Variants in PCDH7 observed in about 807,000 individuals in gnomAD.
PCDH7 encodes the protein protocadherin-7.
In PCDH7, 17 loss-of-function variants were observed where a neutral mutation model predicts 58.9. That is an observed-to-expected ratio of 0.29 (90% confidence interval 0.20 to 0.43). The LOEUF is 0.43. PCDH7 is among the 20% of genes least tolerant of loss of function. PCDH7 has a pLI of 1.00. For synonymous variants in PCDH7, 664 were observed against 616.4 expected (o/e 1.08, Z -1.14); for missense variants, 1,274 against 1,441.0 (o/e 0.88, Z 1.88).
intron 3 of PCDH7, among the ~76,000 whole-genome samples, chr4:31,062,769 C>T (rs912258938): frequency 6.6e-6 from 1 of 151,788 alleles, no homozygotes; most frequent in Non-Finnish European, 1.5e-5. Context: ...TCCCATGAAA[C>T]CTGATTTTTC....
At chr4:30,821,918 G>C (rs968664042) in intron 1 of PCDH7, among the ~76,000 whole-genome samples, 30 of 152,152 alleles carry the variant, frequency 2.0e-4, no homozygotes, top group African/African-American at 6.0e-4. Context: ...GTATCCCAGA[G>C]GCACTATTCA....
chr4:30,950,507 G>A (rs1326318102), intron 3 of PCDH7, among the ~76,000 whole-genome samples: 2 of 152,146 alleles, frequency 1.3e-5, no homozygotes, highest in Non-Finnish European at 2.9e-5. Context: ...GAACTTGTAT[G>A]TATGAATATG....
At chr4:30,979,731 C>G (rs1750390669) in intron 3 of PCDH7, among the ~76,000 whole-genome samples, 1 of 151,928 alleles carries the variant, frequency 6.6e-6, no homozygotes, top group South Asian at 2.1e-4. Context: ...AGTCAAAGGC[C>G]TTGAAGTCAG....
At chr4:30,975,567 CTTT>C (rs1749995123) in intron 3 of PCDH7, among the ~76,000 whole-genome samples, 1 of 152,046 alleles carries the variant, frequency 6.6e-6, no homozygotes, top group South Asian at 2.1e-4. Flanking sequence ...TTTTAAGTTA[CTTT>C]TATTTTGTAA....
chr4:30,970,202 C>CACAACAAAGTGTGACAAAGT (rs1246188022), intron 3 of PCDH7, among the ~76,000 whole-genome samples: 1 of 152,038 alleles, frequency 6.6e-6, no homozygotes, highest in African/African-American at 2.4e-5. Flanking sequence ...TTGTAAGTTA[C>CACAACAAAGTGTGACAAAGT]ACAACAAAGT....
At chr4:30,963,345 T>C (rs1482224497) in intron 3 of PCDH7, among the ~76,000 whole-genome samples, 1 of 152,226 alleles carries the variant, frequency 6.6e-6, no homozygotes, top group Non-Finnish European at 1.5e-5. Context: ...AGTGTCTGTA[T>C]ACATGCTTCC....
At chr4:30,972,525 A>T (rs959890414) in intron 3 of PCDH7, among the ~76,000 whole-genome samples, 2 of 152,204 alleles carry the variant, frequency 1.3e-5, no homozygotes, top group Non-Finnish European at 1.5e-5. Flanking sequence ...TTTCTGGTCC[A>T]GGTACACTAA....
intron 1 of PCDH7, among the ~76,000 whole-genome samples, chr4:30,795,384 CACTT>C (rs144174297): frequency 0.023 from 3,520 of 152,232 alleles, 193 homozygotes; most frequent in East Asian, 0.22. Flanking sequence ...TAATATATAA[CACTT>C]ACAGCACTTC....
At chr4:30,827,270 T>C (rs1469665550) in intron 1 of PCDH7, among the ~76,000 whole-genome samples, 4 of 152,186 alleles carry the variant, frequency 2.6e-5, no homozygotes, top group Non-Finnish European at 5.9e-5. Flanking sequence ...ATTAAATAGA[T>C]ATTGCAATTT....
intron 1 of PCDH7, among the ~76,000 whole-genome samples, chr4:30,788,350 C>T (rs1317583748): frequency 1.3e-5 from 2 of 152,002 alleles, no homozygotes; most frequent in East Asian, 3.9e-4. Flanking sequence ...TATTTGTACT[C>T]GTTTCTTTTT....
chr4:30,992,863 A>G (rs1365006368), intron 3 of PCDH7, among the ~76,000 whole-genome samples: 1 of 129,066 alleles, frequency 7.7e-6, no homozygotes, highest in Non-Finnish European at 1.5e-5. Context: ...CAATGGCATG[A>G]TCTTGGCTCA....
intron 1 of PCDH7, among the ~76,000 whole-genome samples, chr4:30,780,973 G>A (rs1722701756): frequency 1.3e-5 from 2 of 152,138 alleles, no homozygotes; most frequent in African/African-American, 4.8e-5. Context: ...TAACCTTGGA[G>A]AGAAAAATGT....
intron 3 of PCDH7, among the ~76,000 whole-genome samples, chr4:30,974,246 C>CTTCCTTTCCTTTCCTTTTCT (rs1749867517): frequency 7.7e-6 from 1 of 129,314 alleles, no homozygotes; most frequent in Non-Finnish European, 1.6e-5. Context: ...TTCTTTCTTT[C>CTTCCTTTCCTTTCCTTTTCT]TTCCTTTCCT....
At chr4:31,132,194 A>G (rs1037282106) in intron 3 of PCDH7, among the ~76,000 whole-genome samples, 1 of 152,122 alleles carries the variant, frequency 6.6e-6, no homozygotes, top group Non-Finnish European at 1.5e-5. Context: ...ATTTCTTCTC[A>G]TTTACTTTTA....
chr4:31,099,286 C>T (rs1714587637), intron 3 of PCDH7, among the ~76,000 whole-genome samples: 1 of 152,172 alleles, frequency 6.6e-6, no homozygotes, highest in Admixed American at 6.5e-5. Context: ...ACTCAATCTG[C>T]TCTCTGAGTG....
Position 31,010,049 on chromosome 4 carries a change from G to T in PCDH7, c.*7+59834G>T, listed in dbSNP as rs367863659. Among the ~76,000 whole-genome samples the T allele has an allele frequency of 1.1e-4, 17 of 152,042 alleles. 1 individual carries two copies. Among genetic ancestry groups the T allele is most frequent in the Admixed American group, 9.2e-4 (14 of 15,240 alleles). On this transcript the variant is annotated intron_variant, in intron 3 of 3. Transcript: ENST00000509759. ...AAGATTTCAACAGTTTTTTATGCCT[G>T]CAAAATTCAAAAATGCCTTGTGGGT...
Position 31,032,975 on chromosome 4 carries a change from C to CT in PCDH7, c.*7+82769dup, listed in dbSNP as rs560779139. Among the ~76,000 whole-genome samples, 267 of 151,194 alleles carry CT rather than the reference C, an allele frequency of 1.8e-3. 3 individuals are homozygous for CT. The South Asian group carries it at 0.019, about 11-fold the overall frequency. On this transcript the variant is annotated intron_variant, in intron 3 of 3. Coordinates refer to the PCDH7 transcript ENST00000509759. The stretch of plus-strand genomic sequence containing the variant: ...ATTATTCACATAATAGTGTTTATGA[C>CT]TTTTTTTTTGTAATTCTTCTTGACT...
chr4:30,992,947 C>T (rs906708343), intron 3 of PCDH7, among the ~76,000 whole-genome samples: 1 of 151,826 alleles, frequency 6.6e-6, no homozygotes, highest in African/African-American at 2.4e-5. Flanking sequence ...TACAGGTGCC[C>T]ACCACCATGC....
At chr4:31,059,008 A>C (rs1757475123) in intron 3 of PCDH7, among the ~76,000 whole-genome samples, 1 of 152,002 alleles carries the variant, frequency 6.6e-6, no homozygotes, top group Non-Finnish European at 1.5e-5. Context: ...ACTTAAGAGA[A>C]ATTGAAGCAA....
Sources: allele counts gnomAD v4.1 joint callset (sites outside exome capture counted in the v4.1 genomes callset), GRCh38; gene constraint gnomAD v4.1.1; transcripts MANE v1.5; gene names NCBI Gene and HGNC (gene_info 2026-07-23, HGNC 2026-07-21).